TMEM37: variants seen among roughly 807,000 people sequenced by gnomAD.
TMEM37 encodes the protein voltage-dependent calcium channel gamma-like subunit.
In TMEM37, 12 loss-of-function variants were observed where a neutral mutation model predicts 11.0. The ratio of observed to expected loss-of-function variants is 1.09; its 90% confidence interval spans 0.70 to 1.76. TMEM37 has a LOEUF of 1.76. Ranked by LOEUF, TMEM37 falls within the 40% of genes most tolerant of loss-of-function variation. TMEM37 has a pLI of 0.00. For synonymous variants in TMEM37, 127 were observed against 110.5 expected (o/e 1.15, Z -0.94); for missense variants, 203 against 251.2 (o/e 0.81, Z 1.30).
At chr2:119,430,237 C>A, upstream of TMEM37, 1 of 651,668 alleles carries the variant, frequency 1.5e-6, no homozygotes, top group Non-Finnish European at 2.9e-6. Flanking sequence ...TTTGCCTTAG[C>A]TCAGTGGTTC....
intron 1 of TMEM37, among the ~76,000 whole-genome samples, chr2:119,435,396 C>T (rs1408205679): frequency 6.6e-6 from 1 of 152,226 alleles, no homozygotes; most frequent in Non-Finnish European, 1.5e-5. Context: ...CCTCACTGCT[C>T]CATTCTCCTG....
rs368115768 is a variant in TMEM37 at position 119,437,123 on chromosome 2, G to A, written c.256G>A (p.Val86Met). 2.9e-5 allele frequency: 47 copies of A among 1,613,876 alleles called. No individual in the cohort carries two copies. The highest frequency in any genetic ancestry group is 3.6e-5 in the Non-Finnish European group (42 of 1,179,808). Residue 86 changes from valine (V) to methionine (M), a missense_variant, in exon 2 of 2, where the codon GTG becomes ATG. Transcript: ENST00000306406. ...CCAGGCCCATGTGCCCGGGCTGGCCGTGGGCATGGGCCTGGTACGCAGCGT... is the reference window on the plus strand; with the variant it reads ...CCAGGCCCATGTGCCCGGGCTGGCCATGGGCATGGGCCTGGTACGCAGCGT... ...LGQAHVPGLA[V>M]GMGLVRSVGA...
rs552150121 is a variant in TMEM37, at chr2:119,438,257, T to C, written c.*817T>C. 1 of 152,352 alleles carries C rather than the reference T, an allele frequency of 6.6e-6. No individual in the cohort carries two copies. Among genetic ancestry groups the C allele is most frequent in the East Asian group, 1.9e-4 (1 of 5,186 alleles). 9.4% of individuals were successfully genotyped at this position (152,352 alleles called of 1,614,324 possible). A position where few individuals can be genotyped will look rare whatever the true frequency, so the allele number is the denominator to read the frequency against. On this transcript the variant is annotated 3_prime_UTR_variant, in exon 2 of 2. Coordinates refer to ENST00000306406, the MANE Select transcript of TMEM37 (RefSeq NM_183240.3). ...GCCCTCCCCAAGGCCCGTGTGTGCA[T>C]GTGTCTGTCTTTTGTGAGGGTTAGA...
Position 119,431,911 on chromosome 2 carries a change from C to T in TMEM37, c.8C>T (p.Ala3Val). The T allele has an allele frequency of 8.2e-7, 1 of 1,226,028 alleles. No individual in the cohort carries two copies. Among genetic ancestry groups the T allele is most frequent in the Non-Finnish European group, 1.0e-6 (1 of 984,264 alleles). The allele number at this position is 1,226,028 out of a possible 1,614,324, so 75.9% of individuals were successfully genotyped here. A position where few individuals can be genotyped will look rare whatever the true frequency, so the allele number is the denominator to read the frequency against. Residue 3 changes from alanine (A) to valine (V), a missense_variant, in exon 1 of 2, where the codon GCC (alanine) becomes GTC (valine). By Grantham distance (64) the Ala-to-Val change is moderately conservative (BLOSUM62 0). Transcript: ENST00000306406. MT[A>V]VGVQAQRPLG... ...GCGGCCGCCGGGCGCAGCATGACTG[C>T]CGTCGGCGTGCAGGTAGCCGGCGCC... is the stretch of plus-strand genomic sequence containing the variant.
At chr2:119,436,704 G>A (rs1682501779) in intron 1 of TMEM37, among the ~76,000 whole-genome samples, 185 bp from the exon 2 acceptor site, 1 of 152,168 alleles carries the variant, frequency 6.6e-6, no homozygotes, top group African/African-American at 2.4e-5. Context: ...AATGCTCACA[G>A]GTCTGGAAGG....
chr2:119,436,604 C>T (rs886587134), intron 1 of TMEM37, among the ~76,000 whole-genome samples: 1 of 152,082 alleles, frequency 6.6e-6, no homozygotes, highest in African/African-American at 2.4e-5. Context: ...CTCAGATTTG[C>T]CAGTCGGTTT....
At chr2:119,436,124 CT>C (rs1241576270) in intron 1 of TMEM37, among the ~76,000 whole-genome samples, 1 of 152,146 alleles carries the variant, frequency 6.6e-6, no homozygotes, top group Non-Finnish European at 1.5e-5. Flanking sequence ...GATGAGACAC[CT>C]CACTGGACAC....
intron 1 of TMEM37, among the ~76,000 whole-genome samples, chr2:119,436,267 G>T (rs1292819151): frequency 6.6e-6 from 1 of 152,174 alleles, no homozygotes; most frequent in Non-Finnish European, 1.5e-5. Context: ...GCAAGCTCTG[G>T]GTAGGGTACA....
intron 1 of TMEM37, among the ~76,000 whole-genome samples, chr2:119,434,457 A>ATT (rs112573313): frequency 0.028 from 4,071 of 144,726 alleles, 170 homozygotes; most frequent in African/African-American, 0.093. Flanking sequence ...TTACCGGTAG[A>ATT]TTTTTTTTTT....
chr2:119,434,274 C>G (rs1341389049), intron 1 of TMEM37, among the ~76,000 whole-genome samples: 1 of 152,110 alleles, frequency 6.6e-6, no homozygotes, highest in Non-Finnish European at 1.5e-5. Context: ...CTCTAGGGAC[C>G]TTGTAACCTT....
At chr2:119,431,993 C>T (rs1045996832) in intron 1 of TMEM37, 69 bp downstream of exon 1, 1 of 876,042 alleles carries the variant, frequency 1.1e-6, no homozygotes, top group South Asian at 6.0e-5. Flanking sequence ...GGTGGGAGGA[C>T]GGAGGGAGGG....
rs769177091 is a variant in TMEM37, at chr2:119,437,290, G to A, written c.423G>A (p.Gly141=). ...LLVSFVLSSG[G]LLGFVILLRN... ...TGTCTTTCGTCCTCTCCTCCGGCGG[G>A]CTCCTGGGTTTTGTGATCCTCCTCA... Residue 141 remains glycine, a synonymous_variant, in exon 2 of 2, where the codon GGG becomes GGA. Transcript: ENST00000306406. 3 of 1,614,206 alleles carry A rather than the reference G, an allele frequency of 1.9e-6. No individual in the cohort carries two copies. The highest frequency in any genetic ancestry group is 2.2e-5 in the East Asian group (1 of 44,878).
chr2:119,434,316 C>T (rs1306554398), intron 1 of TMEM37, among the ~76,000 whole-genome samples: 2 of 152,154 alleles, frequency 1.3e-5, no homozygotes, highest in African/African-American at 4.8e-5. Context: ...GACTTTCCTG[C>T]AAGTGTCATT....
rs768536843 is a variant in TMEM37 at position 119,437,072 on chromosome 2, C to A, written c.205C>A (p.Gln69Lys). ...GLWHFCTTTN[Q>K]TICFRDLGQA... ...CTGGCACTTCTGCACCACCACCAAC[C>A]AGACGATCTGCTTCAGAGACCTGGG... The change falls in exon 2 of 2, where the codon CAG (glutamine) becomes AAG (lysine). Residue 69 changes from glutamine to lysine, a missense_variant. By Grantham distance (53) the Gln-to-Lys change is moderately conservative (BLOSUM62 1). Coordinates refer to ENST00000306406, the MANE Select transcript of TMEM37 (RefSeq NM_183240.3). The A allele has an allele frequency of 1.4e-5, 16 of 1,114,180 alleles. No individual in the cohort carries two copies. Among genetic ancestry groups the A allele is most frequent in the Non-Finnish European group, 1.9e-5 (16 of 846,500 alleles). The allele number at this position is 1,114,180 out of a possible 1,614,324, so 69.0% of individuals were successfully genotyped here.
Position 119,437,278 on chromosome 2 carries a change from C to G in TMEM37, c.411C>G (p.Leu137=), listed in dbSNP as rs777502844. ...TCCTCCTCCTGGTGTCTTTCGTCCT[C>G]TCCTCCGGCGGGCTCCTGGGTTTTG... ...GSILLLVSFV[L]SSGGLLGFVI... Residue 137 remains leucine (L), a synonymous_variant, in exon 2 of 2, where the codon CTC becomes CTG. Transcript: ENST00000306406. 2.5e-6 allele frequency: 4 copies of G among 1,614,212 alleles called. No homozygotes were observed.
At chr2:119,434,054 A>G (rs1682453967) in intron 1 of TMEM37, among the ~76,000 whole-genome samples, 1 of 152,088 alleles carries the variant, frequency 6.6e-6, no homozygotes, top group African/African-American at 2.4e-5. Flanking sequence ...AGGAAACTAG[A>G]TGAGGTCAGC....
intron 1 of TMEM37, among the ~76,000 whole-genome samples, chr2:119,433,349 C>G (rs758646228): frequency 6.6e-5 from 10 of 152,228 alleles, no homozygotes; most frequent in Non-Finnish European, 1.2e-4. Context: ...GTGGGCCAGG[C>G]TGCAGCTGAG....
intron 1 of TMEM37, among the ~76,000 whole-genome samples, chr2:119,435,906 G>A (rs949248195): frequency 3.3e-5 from 5 of 152,182 alleles, no homozygotes; most frequent in Non-Finnish European, 7.3e-5. Context: ...AGCTGCAGAA[G>A]AGCCACTACA....
chr2:119,436,846 G>A (rs1381322323), intron 1 of TMEM37, 43 bp from the exon 2 acceptor site: 2 of 1,527,978 alleles, frequency 1.3e-6, no homozygotes, highest in African/African-American at 1.4e-5. Context: ...TGGGGGCGTG[G>A]CAGGGCTGTG....
Sources: gnomAD v4.1 joint callset for allele counts (sites outside exome capture counted in the v4.1 genomes callset) on GRCh38, gnomAD v4.1.1 for gene constraint, MANE v1.5 for transcripts, NCBI Gene and HGNC (gene_info 2026-07-23, HGNC 2026-07-21) for gene names.